SRGAP3: variants seen among roughly 807,000 people sequenced by gnomAD.
The protein encoded by SRGAP3 is SLIT-ROBO Rho GTPase activating protein 3.
In SRGAP3, 39 loss-of-function variants were observed where a neutral mutation model predicts 121.1. The observed-to-expected ratio is 0.32, with a 90% CI of 0.25 to 0.42. SRGAP3 has a LOEUF of 0.42. Ranked by LOEUF, SRGAP3 falls within the 10% of genes least tolerant of loss-of-function variation. The probability of loss-of-function intolerance (pLI) is 1.00; values close to 1 mark genes in which losing one functional copy is unlikely to be tolerated. For missense variants in SRGAP3, 1,213 were observed against 1,470.6 expected (o/e 0.82, Z 2.86); for synonymous variants, 601 against 570.0 (o/e 1.05, Z -0.77).
At chr3:9,265,751 A>G (rs930343723) in intron 3 of SRGAP3, among the ~76,000 whole-genome samples, 3 of 149,130 alleles carry the variant, frequency 2.0e-5, no homozygotes, top group African/African-American at 5.1e-5. Flanking sequence ...TGGAGAAATA[A>G]GAACACTTTT....
intron 3 of SRGAP3, among the ~76,000 whole-genome samples, chr3:9,086,130 C>A (rs1947460526): frequency 6.6e-6 from 1 of 152,182 alleles, no homozygotes; most frequent in Non-Finnish European, 1.5e-5. Flanking sequence ...TTCAGATGTC[C>A]CAGGGTCTGC....
intron 3 of SRGAP3, among the ~76,000 whole-genome samples, chr3:9,315,706 A>G (rs7613074): frequency 0.83 from 126,044 of 152,162 alleles, 52,822 homozygotes; most frequent in African/African-American, 0.96. Context: ...TATGTTTTAC[A>G]GTGAAATAAA....
intron 1 of SRGAP3, among the ~76,000 whole-genome samples, chr3:9,167,130 C>A (rs546139349): frequency 1.3e-5 from 2 of 152,304 alleles, no homozygotes; most frequent in Admixed American, 6.5e-5. Flanking sequence ...CAGAAGCTCA[C>A]CTGTGACAGC....
intron 3 of SRGAP3, among the ~76,000 whole-genome samples, chr3:9,297,919 G>T (rs1014400123): frequency 6.6e-6 from 1 of 151,900 alleles, no homozygotes; most frequent in African/African-American, 2.4e-5. Flanking sequence ...GAGAAAGAGA[G>T]TATGAAAATT....
intron 1 of SRGAP3, among the ~76,000 whole-genome samples, chr3:9,153,371 T>C (rs543982356): frequency 2.0e-5 from 3 of 152,292 alleles, no homozygotes; most frequent in East Asian, 1.9e-4. Context: ...GCAAATACTA[T>C]TATCTCCATT....
At chr3:9,321,001 G>A (rs1365104587) in intron 3 of SRGAP3, among the ~76,000 whole-genome samples, 1 of 151,868 alleles carries the variant, frequency 6.6e-6, no homozygotes, top group Non-Finnish European at 1.5e-5. Context: ...CAGACTTAGT[G>A]ACTTACTTCT....
chr3:9,343,297 G>A (rs993618776), intron 1 of SRGAP3, among the ~76,000 whole-genome samples: 2 of 152,238 alleles, frequency 1.3e-5, no homozygotes, highest in East Asian at 1.9e-4. Flanking sequence ...TTGAAGGTGT[G>A]GTATGTGTTT....
intron 1 of SRGAP3, among the ~76,000 whole-genome samples, chr3:9,172,900 T>C (rs1186440431): frequency 6.6e-6 from 1 of 152,062 alleles, no homozygotes; most frequent in Non-Finnish European, 1.5e-5. Flanking sequence ...TCTAGTGCGG[T>C]AGATGAGACT....
chr3:9,317,586 T>C (rs1955369385), intron 3 of SRGAP3, among the ~76,000 whole-genome samples: 2 of 152,208 alleles, frequency 1.3e-5, no homozygotes, highest in Admixed American at 1.3e-4. Flanking sequence ...CAAGTGTCAA[T>C]CAGTAAGTTG....
At chr3:9,347,514 G>A (rs2125293005) in intron 1 of SRGAP3, among the ~76,000 whole-genome samples, 2 of 152,306 alleles carry the variant, frequency 1.3e-5, no homozygotes, top group South Asian at 4.1e-4. Context: ...CATAAACAAG[G>A]CTGTGTTGAG....
chr3:9,285,108 A>G (rs1295368980), intron 3 of SRGAP3, among the ~76,000 whole-genome samples: 1 of 152,190 alleles, frequency 6.6e-6, no homozygotes, highest in East Asian at 1.9e-4. Context: ...AGAGGACAAA[A>G]TCCACTAGAA....
chr3:9,311,812 G>A (rs1457572743), intron 3 of SRGAP3, among the ~76,000 whole-genome samples: 1 of 152,124 alleles, frequency 6.6e-6, no homozygotes, highest in East Asian at 1.9e-4. Flanking sequence ...GGAGGTGGGG[G>A]TAGGGTCAGG....
intron 3 of SRGAP3, among the ~76,000 whole-genome samples, chr3:9,097,836 G>T (rs974200281): frequency 1.3e-5 from 2 of 152,108 alleles, no homozygotes; most frequent in African/African-American, 4.8e-5. Flanking sequence ...CAGCCTCCTC[G>T]CTGTAGCTCA....
rs1553574436 is a variant in SRGAP3 at position 9,323,798 on chromosome 3, A to AACATACACAC, written n.442+2211_442+2212insGTGTGTATGT. On this transcript the variant is annotated intron_variant and non_coding_transcript_variant, in intron 3 of 3. Coordinates refer to the SRGAP3 transcript ENST00000490889. ...CACAAATGTCTCTCCCTGTGTATCT[A>AACATACACAC]ACACACACACACACACACACACACA... Among the ~76,000 whole-genome samples the AACATACACAC allele has an allele frequency of 1.7e-4, 26 of 148,886 alleles. 1 individual carries two copies. The highest frequency in any genetic ancestry group is 2.8e-4 in the Non-Finnish European group (19 of 67,268).
Position 9,098,301 on chromosome 3 carries a change from CA to C in SRGAP3, c.423+6378del, listed in dbSNP as rs560167111. Reference sequence around the variant, plus strand: ...TTTGTTTTAATTAATTTTTTTGAGACAAGGTCTCACTCTGTCACCCAGTGCA... The same window carrying C: ...TTTGTTTTAATTAATTTTTTTGAGACAGGTCTCACTCTGTCACCCAGTGCA... On this transcript the variant is annotated intron_variant, in intron 3 of 21. Coordinates refer to ENST00000383836, the MANE Select transcript of SRGAP3 (RefSeq NM_014850.4). 2.0e-4 allele frequency among the ~76,000 whole-genome samples: 31 copies of C among 152,250 alleles called. No individual in the cohort carries two copies. In the South Asian group the frequency reaches 5.2e-3, roughly 25 times the overall value.
At chr3:8,994,197 A>G in intron 19 of SRGAP3, 146 bp downstream of exon 19, 1 of 1,039,178 alleles carries the variant, frequency 9.6e-7, no homozygotes, top group Non-Finnish European at 1.5e-6. Context: ...GGGAAGTTAG[A>G]TATTACCCAT....
chr3:9,117,215 C>T (rs1948837644), intron 2 of SRGAP3, among the ~76,000 whole-genome samples: 1 of 152,230 alleles, frequency 6.6e-6, no homozygotes, highest in Admixed American at 6.5e-5. Flanking sequence ...ATTCTGACTC[C>T]TTTTCACATT....
intron 1 of SRGAP3, among the ~76,000 whole-genome samples, chr3:9,136,706 G>T (rs1284376038): frequency 6.6e-6 from 1 of 152,230 alleles, no homozygotes; most frequent in East Asian, 1.9e-4. Context: ...CAAGAGAAGG[G>T]AAAGGGGCTG....
intron 3 of SRGAP3, among the ~76,000 whole-genome samples, chr3:9,298,558 ATCC>A (rs35826797): frequency 0.14 from 22,038 of 152,088 alleles, 1,861 homozygotes; most frequent in South Asian, 0.19. Context: ...CCAGAAATGG[ATCC>A]TATGTACCCT....
Sources: allele counts gnomAD v4.1 joint callset (sites outside exome capture counted in the v4.1 genomes callset), GRCh38; gene constraint gnomAD v4.1.1; transcripts MANE v1.5; gene names NCBI Gene and HGNC (gene_info 2026-07-23, HGNC 2026-07-21).